SYTL5: variants seen among roughly 807,000 people sequenced by gnomAD.
SYTL5 encodes the protein synaptotagmin like 5.
Under a neutral mutation model 55.9 loss-of-function variants are expected in SYTL5, and 34 were observed. The observed-to-expected ratio is 0.61, with a 90% CI of 0.46 to 0.81. The LOEUF is 0.81. Among genes scored for constraint, SYTL5 ranks in the 30% least tolerant of loss-of-function variants. The pLI is 0.00. For missense variants in SYTL5, 637 were observed against 546.7 expected, an observed-to-expected ratio of 1.17 and a Z score of -1.65; for synonymous variants, 221 against 188.7, an observed-to-expected ratio of 1.17 and a Z score of -1.40.
the SYTL5 span, among the ~76,000 whole-genome samples, chrX:37,948,106 A>C: frequency 5.1e-4 from 57 of 111,172 alleles, no homozygotes; most frequent in East Asian, 4.8e-3. Flanking sequence ...AGGCTTCAGA[A>C]TGGTCAGGAA....
intron 2 of SYTL5, among the ~76,000 whole-genome samples, chrX:38,043,657 G>GTGTGTATATATATATATA (rs1569165878): frequency 2.5e-5 from 1 of 39,383 alleles, no homozygotes; most frequent in Non-Finnish European, 4.0e-5. Flanking sequence ...ATGTATGTAT[G>GTGTGTATATATATATATA]TATGTATATA....
At chrX:37,941,609 C>A in the SYTL5 span, among the ~76,000 whole-genome samples, 1 of 111,675 alleles carries the variant, frequency 9.0e-6, no homozygotes. Flanking sequence ...CAGAAGTAGC[C>A]TTTAACCAAT....
the SYTL5 span, among the ~76,000 whole-genome samples, chrX:37,927,841 T>C: frequency 2.7e-5 from 3 of 111,647 alleles, no homozygotes; most frequent in African/African-American, 9.8e-5. Context: ...TTCTGTCTTA[T>C]CGTGTACTTG....
chrX:38,023,698 G>T (rs1461883687), intron 1 of SYTL5, among the ~76,000 whole-genome samples: 1 of 110,876 alleles, frequency 9.0e-6, no homozygotes, highest in East Asian at 2.8e-4. Flanking sequence ...CCAGCTTCGA[G>T]AGCTTCTAAC....
the SYTL5 span, among the ~76,000 whole-genome samples, chrX:37,953,157 A>G: frequency 1.8e-5 from 2 of 111,770 alleles, no homozygotes; most frequent in Admixed American, 1.9e-4. Flanking sequence ...AATTTAAAAA[A>G]GTGAAATTAT....
At chrX:37,986,370 G>T in the SYTL5 span, among the ~76,000 whole-genome samples, 1 of 110,993 alleles carries the variant, frequency 9.0e-6, no homozygotes, top group Admixed American at 9.6e-5. Flanking sequence ...GACCAAGCAC[G>T]GGGTATGTGA....
chrX:37,932,344 C>T, the SYTL5 span, among the ~76,000 whole-genome samples: 1 of 111,422 alleles, frequency 9.0e-6, no homozygotes, highest in African/African-American at 3.3e-5. Context: ...GCCATCTTTA[C>T]TTTAAAGAGA....
At chrX:37,965,118 G>C in the SYTL5 span, among the ~76,000 whole-genome samples, 1 of 110,510 alleles carries the variant, frequency 9.0e-6, no homozygotes, top group Non-Finnish European at 1.9e-5. Context: ...ATTTGTCTCA[G>C]TTTATTCTTT....
In SYTL5 at chrX:38,126,932, CCTT is replaced by C; in HGVS notation, c.*206_*208del. The C allele has an allele frequency of 2.5e-6, 1 of 398,380 alleles. No individual in the cohort carries two copies. The highest frequency in any genetic ancestry group is 4.3e-6 in the Non-Finnish European group (1 of 233,009). 32.8% of individuals were successfully genotyped at this position (398,380 alleles called of 1,213,427 possible). A position where few individuals can be genotyped will look rare whatever the true frequency, so the allele number is the denominator to read the frequency against. ...AACATATATTTCCATCCAATCAAGGCCTTCTTGATTGGATGATAGAAAGTGTAC... is the reference window on the plus strand; with the variant it reads ...AACATATATTTCCATCCAATCAAGGCCTTGATTGGATGATAGAAAGTGTAC... On this transcript the variant is annotated 3_prime_UTR_variant, in exon 17 of 17. Transcript: ENST00000297875.
chrX:37,914,375 T>C, the SYTL5 span, among the ~76,000 whole-genome samples: 1 of 112,048 alleles, frequency 8.9e-6, no homozygotes, highest in African/African-American at 3.2e-5. Flanking sequence ...TTAATTATTA[T>C]TTCAACAGAG....
chrX:37,990,047 T>C, the SYTL5 span, among the ~76,000 whole-genome samples: 10 of 109,336 alleles, frequency 9.1e-5, no homozygotes, highest in African/African-American at 3.3e-4. Flanking sequence ...TAATTATTTT[T>C]ATTTTTATTT....
the SYTL5 span, among the ~76,000 whole-genome samples, chrX:37,927,332 G>C: frequency 9.0e-6 from 1 of 111,672 alleles, no homozygotes; most frequent in African/African-American, 3.3e-5. Context: ...TGGGGGAAGA[G>C]TTTAATGTAA....
intron 4 of SYTL5, 93 bp downstream of exon 4, chrX:38,072,255 A>C: frequency 1.5e-6 from 1 of 657,052 alleles, no homozygotes. Flanking sequence ...ATCAGCATAA[A>C]TGAGTTTCTT....
the SYTL5 span, among the ~76,000 whole-genome samples, chrX:37,938,740 A>G: frequency 9.0e-6 from 1 of 111,400 alleles, no homozygotes; most frequent in African/African-American, 3.3e-5. Context: ...CTTTAGACTG[A>G]GCACAACCCT....
intron 3 of SYTL5, among the ~76,000 whole-genome samples, chrX:38,062,475 G>A (rs1011594327): frequency 8.9e-6 from 1 of 111,777 alleles, no homozygotes; most frequent in African/African-American, 3.3e-5. Context: ...AATACTGAGT[G>A]TTTATCAGTA....
chrX:37,899,933 T>G, the SYTL5 span, among the ~76,000 whole-genome samples: 1 of 112,204 alleles, frequency 8.9e-6, no homozygotes, highest in African/African-American at 3.2e-5. Flanking sequence ...CAAGCAACAC[T>G]TCAGAGAGAA....
intron 7 of SYTL5, among the ~76,000 whole-genome samples, 196 bp from the exon 8 acceptor site, chrX:38,094,099 G>A (rs946307221): frequency 6.3e-5 from 7 of 111,643 alleles, no homozygotes; most frequent in African/African-American, 2.3e-4. Context: ...CTCTTGGAAT[G>A]GATTTTGGAT....
the SYTL5 span, among the ~76,000 whole-genome samples, chrX:37,971,486 A>G: frequency 2.7e-5 from 3 of 111,501 alleles, no homozygotes; most frequent in African/African-American, 9.8e-5. Flanking sequence ...TACTTTAGCC[A>G]TGAGACAAAT....
At chrX:38,100,742 T>G (rs1041849378) in intron 9 of SYTL5, among the ~76,000 whole-genome samples, 2 of 111,193 alleles carry the variant, frequency 1.8e-5, no homozygotes, top group African/African-American at 6.5e-5. Flanking sequence ...ACATTATCTT[T>G]AAAATGATAT....
Sources: allele counts gnomAD v4.1 joint callset (sites outside exome capture counted in the v4.1 genomes callset), GRCh38; gene constraint gnomAD v4.1.1; transcripts MANE v1.5; gene names NCBI Gene and HGNC (gene_info 2026-07-23, HGNC 2026-07-21).